Variants in NOX4 observed in about 807,000 individuals in gnomAD.
The protein encoded by NOX4 is NADPH oxidase 4, also known as kidney oxidase-1.
In NOX4, 69 loss-of-function variants were observed where a neutral mutation model predicts 87.6. The ratio of observed to expected loss-of-function variants is 0.79; its 90% CI spans 0.65 to 0.96. The LOEUF is 0.96. Among genes scored for constraint, NOX4 ranks in the 40% least tolerant of loss-of-function variants. NOX4 has a pLI of 0.00. For synonymous variants in NOX4, 275 were observed against 238.2 expected, an observed-to-expected ratio of 1.15 and a Z score of -1.42; for missense variants, 680 against 681.5, an observed-to-expected ratio of 1.00 and a Z score of 0.02.
intron 5 of NOX4, among the ~76,000 whole-genome samples, chr11:89,443,151 T>C (rs1241609663): frequency 6.6e-6 from 1 of 152,184 alleles, no homozygotes; most frequent in African/African-American, 2.4e-5. Flanking sequence ...ATCATGTTGG[T>C]ATTTTTTAAA....
chr11:89,325,627 TA>T lies in NOX4; in HGVS notation c.*1128del, dbSNP rs1945190682. 1 of 152,030 alleles carries T rather than the reference TA, an allele frequency of 6.6e-6. No homozygotes were observed. The highest frequency in any genetic ancestry group is 6.6e-5 in the Admixed American group (1 of 15,258). 9.4% of individuals were successfully genotyped at this position (152,030 alleles called of 1,614,324 possible). A position where few individuals can be genotyped will look rare whatever the true frequency, so the allele number is the denominator to read the frequency against. On this transcript the variant is annotated 3_prime_UTR_variant, in exon 18 of 18. Coordinates refer to ENST00000263317, the MANE Select transcript of NOX4 (RefSeq NM_016931.5). Reference sequence around the variant, plus strand: ...TAAGAATATCATATTTCCTCTTACTTAAAAGGTAAAATACAGGTTTTACTGT... The same window carrying T: ...TAAGAATATCATATTTCCTCTTACTTAAAGGTAAAATACAGGTTTTACTGT...
At chr11:89,473,061 A>G in intron 2 of NOX4, among the ~76,000 whole-genome samples, 1 of 152,160 alleles carries the variant, frequency 6.6e-6, no homozygotes. Context: ...TGGTTCATCT[A>G]TTAAATTCCT....
At chr11:89,422,934 G>T (rs1279909747) in intron 7 of NOX4, among the ~76,000 whole-genome samples, 1 of 151,648 alleles carries the variant, frequency 6.6e-6, no homozygotes, top group African/African-American at 2.4e-5. Flanking sequence ...TGAGCAGCTG[G>T]GATTACAGGC....
intron 2 of NOX4, among the ~76,000 whole-genome samples, chr11:89,485,081 T>C (rs1946538448): frequency 6.6e-6 from 1 of 152,154 alleles, no homozygotes; most frequent in Non-Finnish European, 1.5e-5. Context: ...TCACATGACA[T>C]CAGATTTCTG....
intron 17 of NOX4, among the ~76,000 whole-genome samples, chr11:89,331,909 T>G (rs1390179185): frequency 1.4e-5 from 2 of 145,508 alleles, no homozygotes; most frequent in African/African-American, 5.0e-5. Flanking sequence ...GAAATCTTAC[T>G]TTTTTTTTTT....
At chr11:89,402,637 G>A (rs1471292879) in intron 8 of NOX4, 95 bp from the exon 9 acceptor site, 2 of 979,884 alleles carry the variant, frequency 2.0e-6, no homozygotes, top group Non-Finnish European at 3.1e-6. Flanking sequence ...TTTTGTTTTT[G>A]TTTGCTAACT....
At chr11:89,555,451 C>T in the NOX4 span, among the ~76,000 whole-genome samples, 8 of 152,140 alleles carry the variant, frequency 5.3e-5, no homozygotes, top group South Asian at 2.1e-4. Context: ...CACCACTACA[C>T]TCTACCTGGA....
chr11:89,494,948 C>A (rs559829630), upstream of NOX4, among the ~76,000 whole-genome samples: 2 of 152,186 alleles, frequency 1.3e-5, no homozygotes, highest in South Asian at 4.2e-4. Flanking sequence ...ACAATATTTT[C>A]TTTTCTTCTT....
intron 2 of NOX4, among the ~76,000 whole-genome samples, chr11:89,480,602 CTT>C (rs1000812424): frequency 5.3e-5 from 8 of 152,050 alleles, no homozygotes; most frequent in African/African-American, 1.9e-4. Flanking sequence ...ATGGAATAGA[CTT>C]CATGTTAGGT....
the NOX4 span, among the ~76,000 whole-genome samples, chr11:89,561,050 CATATATATATATATATAT>C: frequency 2.0e-3 from 58 of 28,552 alleles, 1 homozygote; most frequent in Middle Eastern, 0.045. Flanking sequence ...ATATATCATA[CATATATATATATATATAT>C]ATATATATAT....
At chr11:89,425,805 T>A (rs575504113) in intron 7 of NOX4, among the ~76,000 whole-genome samples, 1 of 152,264 alleles carries the variant, frequency 6.6e-6, no homozygotes, top group Non-Finnish European at 1.5e-5. Flanking sequence ...TTAAAAACTA[T>A]AAAGACAGTT....
the NOX4 span, among the ~76,000 whole-genome samples, chr11:89,579,187 G>T: frequency 3.9e-5 from 6 of 152,286 alleles, no homozygotes; most frequent in African/African-American, 1.4e-4. Flanking sequence ...GCACAGGGAA[G>T]TTTTAGGATG....
intron 12 of NOX4, among the ~76,000 whole-genome samples, chr11:89,363,384 A>T (rs1425745887): frequency 2.0e-5 from 3 of 152,082 alleles, no homozygotes; most frequent in Non-Finnish European, 4.4e-5. Context: ...TCACTTTTTC[A>T]CTCATCTAAC....
At chr11:89,438,689 A>G (rs1944241996) in intron 6 of NOX4, among the ~76,000 whole-genome samples, 1 of 75,822 alleles carries the variant, frequency 1.3e-5, no homozygotes, top group Non-Finnish European at 2.2e-5. Context: ...TATACTATAA[A>G]TAATATATAA....
intron 11 of NOX4, among the ~76,000 whole-genome samples, chr11:89,383,805 C>T (rs1221259353): frequency 1.3e-5 from 2 of 152,124 alleles, no homozygotes; most frequent in Admixed American, 6.5e-5. Flanking sequence ...CCACACCTCA[C>T]TGCCACCCTT....
At chr11:89,541,231 A>G in the NOX4 span, among the ~76,000 whole-genome samples, 1 of 152,186 alleles carries the variant, frequency 6.6e-6, no homozygotes, top group Non-Finnish European at 1.5e-5. Flanking sequence ...TTCTGCCTGG[A>G]ATTGTCTATA....
intron 7 of NOX4, among the ~76,000 whole-genome samples, chr11:89,425,719 A>G (rs545679762): frequency 1.6e-4 from 24 of 152,220 alleles, no homozygotes; most frequent in African/African-American, 5.5e-4. Context: ...AATACACTAC[A>G]TATGTACAGT....
the NOX4 span, among the ~76,000 whole-genome samples, chr11:89,556,701 A>T: frequency 5.3e-5 from 8 of 152,286 alleles, 1 homozygote; most frequent in South Asian, 1.7e-3. Flanking sequence ...ACCTCAATTC[A>T]GGGGAACGGT....
At chr11:89,518,910 T>C in the NOX4 span, among the ~76,000 whole-genome samples, 1 of 151,194 alleles carries the variant, frequency 6.6e-6, no homozygotes, top group South Asian at 2.1e-4. Flanking sequence ...GATAAAAAAA[T>C]CACTGAAAAG....
Sources: allele counts gnomAD v4.1 joint callset (sites outside exome capture counted in the v4.1 genomes callset), GRCh38; gene constraint gnomAD v4.1.1; transcripts MANE v1.5; gene names NCBI Gene and HGNC (gene_info 2026-07-23, HGNC 2026-07-21).